Variants in STK32C observed in about 807,000 individuals in gnomAD.
STK32C encodes serine/threonine-protein kinase 32C.
STK32C carries 31 observed loss-of-function variants against 56.5 expected under a neutral mutation model. The observed-to-expected ratio is 0.55, with a 90% CI of 0.41 to 0.74. The LOEUF is 0.74. STK32C is among the 30% of genes least tolerant of loss of function. The pLI, the probability that STK32C is intolerant of heterozygous loss-of-function variation, is 0.00. For missense variants in STK32C, 544 were observed against 676.9 expected, an observed-to-expected ratio of 0.80 and a Z score of 2.18; for synonymous variants, 309 against 289.4, an observed-to-expected ratio of 1.07 and a Z score of -0.69.
upstream of STK32C, among the ~76,000 whole-genome samples, chr10:132,308,676 C>G (rs1247143975): frequency 4.6e-5 from 7 of 152,142 alleles, no homozygotes; most frequent in African/African-American, 1.7e-4. Flanking sequence ...CACCCCCGTG[C>G]CATCCTCGCG....
In STK32C at chr10:132,264,226, G is replaced by A. The variant is rs374287791; in HGVS notation, c.263-18271C>T. Among the ~76,000 whole-genome samples, 5 of 152,234 alleles carry A rather than the reference G, an allele frequency of 3.3e-5. No homozygotes were observed. In the South Asian group the frequency reaches 6.2e-4, roughly 19 times the overall value. On this transcript the variant is annotated intron_variant, in intron 1 of 11. Coordinates refer to ENST00000298630, the MANE Select transcript of STK32C (RefSeq NM_173575.4). Reference sequence around the variant, plus strand: ...CCACGGAACTCTTCACTCTAAAGTGGTTAATTTTGTGTGCTATGAATTTCA... The same window carrying A: ...CCACGGAACTCTTCACTCTAAAGTGATTAATTTTGTGTGCTATGAATTTCA...
intron 1 of STK32C, among the ~76,000 whole-genome samples, chr10:132,315,080 G>A (rs2066288646): frequency 6.6e-6 from 1 of 152,184 alleles, no homozygotes; most frequent in South Asian, 2.1e-4. Flanking sequence ...GTTGCGGTGA[G>A]CAGAGATTGC....
At chr10:132,243,089 ACCCTGGGGCAGCGACCTCCCCTCAT>A (rs1590235110) in intron 2 of STK32C, among the ~76,000 whole-genome samples, 1 of 152,038 alleles carries the variant, frequency 6.6e-6, no homozygotes, top group African/African-American at 2.4e-5. Context: ...TCCCAGAGAG[ACCCTGGGGCAGCGACCTCCCCTCAT>A]CCCTGGGGCA....
upstream of STK32C, chr10:132,308,068 C>CG (rs1458407377): frequency 4.0e-6 from 1 of 249,960 alleles, no homozygotes; most frequent in Non-Finnish European, 5.1e-6. Flanking sequence ...AGCTGAGCGC[C>CG]GGGGCGTGGC....
chr10:132,328,750 G>A (rs988326301), intron 1 of STK32C, among the ~76,000 whole-genome samples: 3 of 152,212 alleles, frequency 2.0e-5, no homozygotes, highest in East Asian at 1.9e-4. Context: ...TTGCAAAGGC[G>A]GTTTCACTTC....
intron 1 of STK32C, chr10:132,249,090 A>C (rs759480120): frequency 4.4e-4 from 208 of 476,726 alleles, no homozygotes; most frequent in Non-Finnish European, 7.1e-4. Context: ...CCCAGCTGGG[A>C]GGCAGCAGCA....
At chr10:132,256,124 G>A (rs1314895709) in intron 1 of STK32C, among the ~76,000 whole-genome samples, 2 of 152,222 alleles carry the variant, frequency 1.3e-5, no homozygotes, top group African/African-American at 2.4e-5. Context: ...TCTTGGCAGC[G>A]ATGCCCTCAC....
intron 1 of STK32C, among the ~76,000 whole-genome samples, chr10:132,325,162 G>A (rs1369736785): frequency 6.6e-6 from 1 of 152,170 alleles, no homozygotes; most frequent in Non-Finnish European, 1.5e-5. Context: ...GTTGTGGGAG[G>A]GACCCGGTGG....
intron 10 of STK32C, among the ~76,000 whole-genome samples, chr10:132,217,447 A>G (rs993983709): frequency 2.0e-5 from 3 of 152,214 alleles, no homozygotes; most frequent in Admixed American, 2.0e-4. Context: ...CAGATGAGAC[A>G]TTGGACTGTG....
intron 10 of STK32C, among the ~76,000 whole-genome samples, chr10:132,219,799 C>T (rs914162320): frequency 6.6e-6 from 1 of 152,166 alleles, no homozygotes. Context: ...CCCTGCCCCC[C>T]ACATCATGGT....
intron 1 of STK32C, among the ~76,000 whole-genome samples, chr10:132,281,990 T>C (rs116307952): frequency 0.01 from 1,597 of 152,316 alleles, 29 homozygotes; most frequent in African/African-American, 0.036. Flanking sequence ...GCAGCGTCCC[T>C]GCTGAGCGCC....
intron 1 of STK32C, among the ~76,000 whole-genome samples, chr10:132,266,128 T>C (rs528756213): frequency 1.3e-5 from 2 of 152,346 alleles, no homozygotes; most frequent in East Asian, 1.9e-4. Context: ...ATCCATACGA[T>C]GGAATACCAC....
intron 2 of STK32C, among the ~76,000 whole-genome samples, chr10:132,245,273 T>G (rs1179754949): frequency 6.6e-6 from 1 of 152,174 alleles, no homozygotes; most frequent in East Asian, 1.9e-4. Flanking sequence ...TCAGAAGTGA[T>G]TCATCCACAA....
intron 1 of STK32C, among the ~76,000 whole-genome samples, chr10:132,264,065 T>C (rs1052225639): frequency 6.6e-6 from 1 of 152,076 alleles, no homozygotes; most frequent in Non-Finnish European, 1.5e-5. Flanking sequence ...GTGTGGTGGC[T>C]GCCAGGAGCT....
chr10:132,267,257 C>T (rs1414392704), intron 1 of STK32C, among the ~76,000 whole-genome samples: 1 of 152,206 alleles, frequency 6.6e-6, no homozygotes, highest in African/African-American at 2.4e-5. Context: ...TGAAACCTGG[C>T]CAAAATGCGA....
At chr10:132,230,679 C>T (rs61265107) in intron 2 of STK32C, among the ~76,000 whole-genome samples, 2,200 of 49,126 alleles carry the variant, frequency 0.045, 25 homozygotes, top group Middle Eastern at 0.062. Flanking sequence ...GGGAAGCTGG[C>T]GGGGGGGGGG....
downstream of STK32C, among the ~76,000 whole-genome samples, chr10:132,319,357 A>G (rs1205734744): frequency 2.6e-5 from 4 of 152,366 alleles, no homozygotes; most frequent in East Asian, 7.7e-4. Flanking sequence ...AAAATAAAAT[A>G]TATGACTTAA....
At chr10:132,323,081 C>T (rs559764853), downstream of STK32C, among the ~76,000 whole-genome samples, 1 of 152,248 alleles carries the variant, frequency 6.6e-6, no homozygotes, top group East Asian at 1.9e-4. This position sits in a 1 kb window ranked among gnomAD's most constrained non-coding sequence, Gnocchi z 4.8. Flanking sequence ...CCCTTTCATT[C>T]TGTGTACTAT....
chr10:132,311,379 G>A (rs905352884), upstream of STK32C, among the ~76,000 whole-genome samples: 10 of 152,226 alleles, frequency 6.6e-5, no homozygotes, highest in East Asian at 3.9e-4. The surrounding 1 kb of genome is among the most constrained non-coding windows in gnomAD (Gnocchi z 4.4). Flanking sequence ...GAGAATCCAC[G>A]GACAGCCTCC....
Sources: allele counts gnomAD v4.1 joint callset (sites outside exome capture counted in the v4.1 genomes callset), GRCh38; gene constraint gnomAD v4.1.1; non-coding constraint Gnocchi (gnomAD v3.1); transcripts MANE v1.5; gene names NCBI Gene and HGNC (gene_info 2026-07-23, HGNC 2026-07-21).